Variants in SCCPDH observed in about 807,000 individuals in gnomAD.
SCCPDH encodes saccharopine dehydrogenase (putative).
SCCPDH carries 34 observed loss-of-function variants against 51.5 expected under a neutral mutation model. The ratio of observed to expected loss-of-function variants is 0.66; its 90% CI spans 0.50 to 0.88. The LOEUF is 0.88. SCCPDH is among the 40% of genes least tolerant of loss of function. The pLI is 0.00. For missense variants in SCCPDH, 464 were observed against 527.1 expected (o/e 0.88, Z 1.17); for synonymous variants, 187 against 191.3 (o/e 0.98, Z 0.19).
chr1:246,753,838 G>C (rs905336218), intron 5 of SCCPDH, among the ~76,000 whole-genome samples: 1 of 151,992 alleles, frequency 6.6e-6, no homozygotes, highest in African/African-American at 2.4e-5. Context: ...GGGCTCCTGG[G>C]ACAGTTCCCA....
chr1:246,751,776 C>CT (rs34218859), intron 5 of SCCPDH, among the ~76,000 whole-genome samples: 93,319 of 138,046 alleles, frequency 0.68, 32,117 homozygotes, highest in South Asian at 0.74. Context: ...ATAAATTCTC[C>CT]TTTTTTTTTT....
intron 1 of SCCPDH, among the ~76,000 whole-genome samples, chr1:246,725,265 ATATT>A (rs1668376805): frequency 9.0e-6 from 1 of 110,540 alleles, no homozygotes; most frequent in Admixed American, 9.8e-5. Context: ...CAGGTAGCAT[ATATT>A]TATTGATAAT....
intron 2 of SCCPDH, among the ~76,000 whole-genome samples, chr1:246,729,449 C>CA (rs1668456637): frequency 6.6e-6 from 1 of 152,170 alleles, no homozygotes; most frequent in Admixed American, 6.5e-5. Flanking sequence ...TTATTCCTTG[C>CA]TGGGAAAAGA....
chr1:246,751,679 T>A lies in SCCPDH; in HGVS notation c.565-6547T>A, dbSNP rs188992419. Among the ~76,000 whole-genome samples the A allele has an allele frequency of 8.7e-4, 132 of 152,340 alleles. 1 individual carries two copies. The highest frequency in any genetic ancestry group is 3.1e-3 in the African/African-American group (129 of 41,582). On this transcript the variant is annotated intron_variant, in intron 5 of 11. Coordinates refer to ENST00000366510, the MANE Select transcript of SCCPDH (RefSeq NM_016002.3). Reference sequence around the variant, plus strand: ...CAGACGACCTTTGACATGCCTTAACTTTCTGACTTGTCGTAAATATCCCTT... The same window carrying A: ...CAGACGACCTTTGACATGCCTTAACATTCTGACTTGTCGTAAATATCCCTT...
intron 9 of SCCPDH, among the ~76,000 whole-genome samples, chr1:246,760,513 G>C (rs1180477261): frequency 6.6e-6 from 1 of 152,108 alleles, no homozygotes; most frequent in Non-Finnish European, 1.5e-5. Flanking sequence ...TCCAGAAATT[G>C]TGTTCTCTTC....
chr1:246,737,655 G>A (rs547796816), intron 3 of SCCPDH, among the ~76,000 whole-genome samples: 7 of 151,766 alleles, frequency 4.6e-5, no homozygotes, highest in African/African-American at 7.2e-5. Context: ...GCAGTGCTAC[G>A]ATCTTGGCTC....
intron 2 of SCCPDH, among the ~76,000 whole-genome samples, chr1:246,728,494 C>A (rs935547469): frequency 2.6e-5 from 4 of 152,094 alleles, no homozygotes; most frequent in African/African-American, 9.7e-5. Context: ...AAAATGTATC[C>A]CCCTGCTAAC....
chr1:246,724,732 A>G (rs1003136901), intron 1 of SCCPDH, 120 bp downstream of exon 1: 2 of 877,250 alleles, frequency 2.3e-6, no homozygotes, highest in Non-Finnish European at 3.3e-6. Flanking sequence ...CTGCGTGAGG[A>G]CAAGAAGAGG....
chr1:246,749,824 G>A (rs564704291), intron 5 of SCCPDH, among the ~76,000 whole-genome samples: 1 of 152,262 alleles, frequency 6.6e-6, no homozygotes, highest in South Asian at 2.1e-4. Flanking sequence ...GAGCTAGGAA[G>A]GATAAAGATA....
chr1:246,762,822 C>T (rs979392285), intron 9 of SCCPDH, among the ~76,000 whole-genome samples: 4 of 135,140 alleles, frequency 3.0e-5, no homozygotes, highest in East Asian at 2.1e-4. Context: ...GCCTGGGCAA[C>T]ACAGCGAGAT....
chr1:246,756,001 G>T (rs945515734), intron 5 of SCCPDH, among the ~76,000 whole-genome samples: 3 of 152,334 alleles, frequency 2.0e-5, no homozygotes. Context: ...AGTTTAGATG[G>T]ATTGTGGATG....
At position 246,759,082 on chromosome 1, in the gene SCCPDH, T is replaced by G; in HGVS notation, c.744T>G (p.Phe248Leu). The G allele has an allele frequency of 1.2e-6, 2 of 1,612,950 alleles. No homozygotes were observed. The highest frequency in any genetic ancestry group is 1.1e-5 in the South Asian group (1 of 91,064). The change falls in exon 7 of 12, where the codon TTT becomes TTG. Residue 248 changes from phenylalanine (F) to leucine (L), a missense_variant. Coordinates refer to ENST00000366510, the MANE Select transcript of SCCPDH (RefSeq NM_016002.3). ...CRELKGYSIP[F>L]MGSDVSVVRR... ...AACTCAAAGGTTATTCCATTCCTTT[T>G]ATGGGATCTGATGTGTCTGTTGTAA...
At chr1:246,764,648 G>A (rs1669063291) in intron 10 of SCCPDH, among the ~76,000 whole-genome samples, 1 of 152,192 alleles carries the variant, frequency 6.6e-6, no homozygotes, top group Non-Finnish European at 1.5e-5. Context: ...TCACCTGTTT[G>A]AATCTCATAT....
At chr1:246,765,689 A>G (rs149236918) in intron 10 of SCCPDH, among the ~76,000 whole-genome samples, 2 of 152,314 alleles carry the variant, frequency 1.3e-5, no homozygotes, top group African/African-American at 4.8e-5. Flanking sequence ...ATGATTGTCA[A>G]GAAGCAGTGC....
At chr1:246,732,310 G>T (rs566153717) in intron 2 of SCCPDH, among the ~76,000 whole-genome samples, 4 of 152,216 alleles carry the variant, frequency 2.6e-5, no homozygotes, top group African/African-American at 7.2e-5. Context: ...GGGGAGAGGA[G>T]ACTGATTTGA....
intron 1 of SCCPDH, 76 bp from the exon 2 acceptor site, chr1:246,726,816 A>ATT (rs1668406365): frequency 2.0e-6 from 2 of 996,842 alleles, no homozygotes; most frequent in Admixed American, 3.8e-5. Flanking sequence ...GCTGTCACTG[A>ATT]TTACTGTAAA....
At chr1:246,750,027 G>A (rs1487857050) in intron 5 of SCCPDH, among the ~76,000 whole-genome samples, 1 of 152,170 alleles carries the variant, frequency 6.6e-6, no homozygotes, top group Non-Finnish European at 1.5e-5. Context: ...CTTGGTTGGA[G>A]TTGGCCCTGG....
chr1:246,761,232 G>A lies in SCCPDH; in HGVS notation c.990+1005G>A, dbSNP rs1314726008. On this transcript the variant is annotated intron_variant, in intron 9 of 11. Transcript: ENST00000366510. ...GCACTGTGCAGGAATGCGCCACCAC[G>A]CCCGGATAATTTTTTTGTATTTTTA... is the stretch of plus-strand genomic sequence containing the variant. Among the ~76,000 whole-genome samples, 107 of 152,176 alleles carry A rather than the reference G, an allele frequency of 7.0e-4. 1 individual carries two copies. Among genetic ancestry groups the A allele is most frequent in the South Asian group, 6.2e-4 (3 of 4,824 alleles).
At chr1:246,760,287 A>G in intron 9 of SCCPDH, 60 bp downstream of exon 9, 2 of 1,380,464 alleles carry the variant, frequency 1.4e-6, no homozygotes, top group East Asian at 2.3e-5. Flanking sequence ...TGACGGTATC[A>G]TCTAACACTT....
Sources: gnomAD v4.1 joint callset for allele counts (sites outside exome capture counted in the v4.1 genomes callset) on GRCh38, gnomAD v4.1.1 for gene constraint, MANE v1.5 for transcripts, NCBI Gene and HGNC (gene_info 2026-07-23, HGNC 2026-07-21) for gene names.